The following APP variants were observed in gnomAD, a reference collection of about 807,000 sequenced individuals.
APP encodes the protein amyloid-beta precursor protein.
APP carries 31 observed loss-of-function variants against 101.4 expected under a neutral mutation model. That is an observed-to-expected ratio of 0.31 (90% confidence interval 0.23 to 0.41). The LOEUF (loss-of-function observed/expected upper bound fraction) is 0.41, where lower values mean the gene tolerates loss of function less well. Among genes scored for constraint, APP ranks in the 10% least tolerant of loss-of-function variants. The probability of loss-of-function intolerance (pLI) is 1.00; values close to 1 mark genes in which losing one functional copy is unlikely to be tolerated. For missense variants in APP, 839 were observed against 1,003.7 expected (o/e 0.84, Z 2.22); for synonymous variants, 366 against 364.4 (o/e 1.00, Z -0.05).
chr21:26,113,345 A>C (rs2062369336), intron 1 of APP, among the ~76,000 whole-genome samples: 2 of 152,242 alleles, frequency 1.3e-5, no homozygotes, highest in African/African-American at 4.8e-5. Context: ...TTTTCAGTTA[A>C]AGAAATGAAA....
rs2036938443 is a variant in APP at position 25,880,819 on chromosome 21, T to TAAC, written c.*850_*851insGTT. On this transcript the variant is annotated 3_prime_UTR_variant, in exon 18 of 18. Transcript: ENST00000346798. ...TCTTGCCCGGGGTTATTTTATTTAA[T>TAAC]TTATTTATGTAATACAGTGTAGAAA... is the stretch of plus-strand genomic sequence containing the variant. The TAAC allele has an allele frequency of 6.6e-6, 1 of 152,546 alleles. No homozygotes were observed. Among genetic ancestry groups the TAAC allele is most frequent in the African/African-American group, 2.4e-5 (1 of 41,464 alleles). The allele number at this position is 152,546 out of a possible 1,614,324, so 9.4% of individuals were successfully genotyped here.
chr21:26,152,408 T>G (rs2063296641), intron 1 of APP, among the ~76,000 whole-genome samples: 1 of 151,800 alleles, frequency 6.6e-6, no homozygotes, highest in South Asian at 2.1e-4. Context: ...AGCTCCAGTT[T>G]CCCTAAACAG....
intron 13 of APP, among the ~76,000 whole-genome samples, chr21:25,917,135 C>A (rs1446871190): frequency 6.6e-5 from 10 of 152,042 alleles, no homozygotes; most frequent in Non-Finnish European, 1.0e-4. Flanking sequence ...GTGGCGGACG[C>A]CTGTAATCCC....
At chr21:26,128,202 G>A (rs570111385) in intron 1 of APP, among the ~76,000 whole-genome samples, 2 of 152,214 alleles carry the variant, frequency 1.3e-5, no homozygotes, top group South Asian at 2.1e-4. Flanking sequence ...CCAGCTACAC[G>A]CTCAGTGTGG....
In APP at chr21:25,911,818, C is replaced by G. The variant is rs758117754; in HGVS notation, c.1832G>C (p.Gly611Ala). The change falls in exon 14 of 18, where the codon GGA (glycine) becomes GCA (alanine). Residue 611 changes from glycine (G) to alanine (A), a missense_variant. By Grantham distance (60) the Gly-to-Ala change is moderately conservative. Coordinates refer to ENST00000346798, the MANE Select transcript of APP (RefSeq NM_000484.4). ...CTGGAGATCGTCCAGGCTGAACTCT[C>G]CATTCACGGGAAGGAGCTCCACGGT... ...KTTVELLPVN[G>A]EFSLDDLQPW... 2 of 1,614,176 alleles carry G rather than the reference C, an allele frequency of 1.2e-6. No individual in the cohort carries two copies. The highest frequency in any genetic ancestry group is 1.7e-6 in the Non-Finnish European group (2 of 1,180,032).
At chr21:25,942,797 C>G (rs1393619078) in intron 13 of APP, 1 of 152,070 alleles carries the variant, frequency 6.6e-6, no homozygotes, top group Non-Finnish European at 1.5e-5. Flanking sequence ...ATAAATCTTA[C>G]TGTTTTAACC....
chr21:26,148,437 G>A (rs1270427786), intron 1 of APP, among the ~76,000 whole-genome samples: 1 of 152,228 alleles, frequency 6.6e-6, no homozygotes, highest in East Asian at 1.9e-4. Flanking sequence ...GGTTCACTGA[G>A]AAGAGGAAGG....
intron 3 of APP, among the ~76,000 whole-genome samples, chr21:26,069,071 T>C (rs1335766742): frequency 1.3e-5 from 2 of 152,182 alleles, no homozygotes; most frequent in African/African-American, 2.4e-5. Flanking sequence ...CACTGAACAT[T>C]GTGAGGAGCC....
At chr21:26,071,503 T>C (rs185504873) in intron 3 of APP, among the ~76,000 whole-genome samples, 72 of 152,336 alleles carry the variant, frequency 4.7e-4, no homozygotes, top group African/African-American at 1.7e-3. Flanking sequence ...CCATTTTATA[T>C]TTAACATTTA....
intron 8 of APP, among the ~76,000 whole-genome samples, chr21:25,986,236 A>G (rs1487133348): frequency 2.0e-5 from 3 of 152,214 alleles, no homozygotes; most frequent in South Asian, 2.1e-4. Flanking sequence ...AGGAAGCTGT[A>G]TATCAGCAGG....
chr21:25,939,821 C>CAA (rs34393238), intron 13 of APP, among the ~76,000 whole-genome samples: 1 of 141,612 alleles, frequency 7.1e-6, no homozygotes, highest in East Asian at 2.0e-4. Context: ...CAGTATATTA[C>CAA]AAAAAAAAAA....
chr21:26,062,661 CAAATAAATAAATAAAT>C (rs10529214), intron 3 of APP, among the ~76,000 whole-genome samples: 1 of 145,280 alleles, frequency 6.9e-6, no homozygotes, highest in African/African-American at 2.5e-5. Context: ...GACTCTGTCT[CAAATAAATAAATAAAT>C]AAATAAATAA....
intron 1 of APP, chr21:26,140,110 A>G (rs1240906859): frequency 2.9e-6 from 4 of 1,372,278 alleles, no homozygotes; most frequent in Non-Finnish European, 3.0e-6. Flanking sequence ...ATCTTACCCA[A>G]ATACAGACTA....
At chr21:25,913,642 A>G (rs950860794) in intron 13 of APP, among the ~76,000 whole-genome samples, 3 of 152,202 alleles carry the variant, frequency 2.0e-5, no homozygotes, top group African/African-American at 7.2e-5. Flanking sequence ...TGCCAGCGAG[A>G]AAGCTCTTGA....
intron 3 of APP, chr21:26,053,617 A>G: frequency 5.9e-6 from 2 of 340,740 alleles, no homozygotes; most frequent in Non-Finnish European, 5.6e-6. Flanking sequence ...CTTGCTTCAA[A>G]ATTAATCCTA....
intron 2 of APP, among the ~76,000 whole-genome samples, chr21:26,106,686 G>T (rs1161057632): frequency 6.6e-6 from 1 of 152,136 alleles, no homozygotes; most frequent in African/African-American, 2.4e-5. Context: ...GCTTAGGATG[G>T]GTATCAGTCC....
At chr21:26,087,266 G>A (rs150024793) in intron 3 of APP, among the ~76,000 whole-genome samples, 271 of 152,280 alleles carry the variant, frequency 1.8e-3, no homozygotes, top group Middle Eastern at 6.8e-3. Flanking sequence ...GACAACATAT[G>A]CTCTACTTGT....
intron 3 of APP, among the ~76,000 whole-genome samples, chr21:26,060,285 G>C (rs2046220017): frequency 6.6e-6 from 1 of 152,182 alleles, no homozygotes; most frequent in Non-Finnish European, 1.5e-5. Context: ...TACTGCTTAT[G>C]ATGGGGTGAA....
chr21:26,130,870 A>G (rs1330133775), intron 1 of APP, among the ~76,000 whole-genome samples: 1 of 152,206 alleles, frequency 6.6e-6, no homozygotes, highest in East Asian at 1.9e-4. Flanking sequence ...CAAAAGCCAA[A>G]GAGTTCACTA....
Sources: gnomAD v4.1 joint callset for allele counts (sites outside exome capture counted in the v4.1 genomes callset) on GRCh38, gnomAD v4.1.1 for gene constraint, MANE v1.5 for transcripts, NCBI Gene and HGNC (gene_info 2026-07-23, HGNC 2026-07-21) for gene names.